The following STIM1 variants were observed in gnomAD, a reference collection of about 807,000 sequenced individuals.
STIM1 encodes stromal interaction molecule 1.
Under a neutral mutation model 74.7 loss-of-function variants are expected in STIM1, and 25 were observed. That is an observed-to-expected ratio of 0.33 (90% CI 0.24 to 0.47). STIM1 has a LOEUF of 0.47. Ranked by LOEUF, STIM1 falls within the 20% of genes least tolerant of loss-of-function variation. STIM1 has a pLI of 1.00. For missense variants in STIM1, 728 were observed against 920.8 expected (o/e 0.79, Z 2.71); for synonymous variants, 328 against 348.8 (o/e 0.94, Z 0.66).
At chr11:4,072,126 C>T (rs184778256) in intron 6 of STIM1, among the ~76,000 whole-genome samples, 187 of 152,270 alleles carry the variant, frequency 1.2e-3, no homozygotes, top group African/African-American at 4.3e-3. Flanking sequence ...GGGGATAAAA[C>T]TAAGCTCCCA....
intron 1 of STIM1, among the ~76,000 whole-genome samples, chr11:3,878,459 C>CTT (rs540135230): frequency 6.9e-6 from 1 of 145,236 alleles, no homozygotes; most frequent in African/African-American, 2.5e-5. Flanking sequence ...TATGAAGTTT[C>CTT]TTTTTTTTTT....
intron 1 of STIM1, among the ~76,000 whole-genome samples, chr11:3,869,923 GA>G (rs1269923670): frequency 6.6e-6 from 1 of 152,154 alleles, no homozygotes; most frequent in Non-Finnish European, 1.5e-5. Flanking sequence ...AGGAAAGAAA[GA>G]AAAGAGTCAA....
chr11:4,014,593 C>T (rs1423334726), intron 2 of STIM1, among the ~76,000 whole-genome samples: 1 of 152,128 alleles, frequency 6.6e-6, no homozygotes, highest in African/African-American at 2.4e-5. Context: ...GAGTTCAAGT[C>T]CTGGATATCC....
intron 1 of STIM1, among the ~76,000 whole-genome samples, chr11:3,877,707 G>A (rs1323613088): frequency 6.6e-6 from 1 of 152,120 alleles, no homozygotes; most frequent in Non-Finnish European, 1.5e-5. Flanking sequence ...GCAGGCCGAG[G>A]GCCTTGTTCT....
chr11:3,892,351 G>T, intron 1 of STIM1: 1 of 1,181,548 alleles, frequency 8.5e-7, no homozygotes, highest in Non-Finnish European at 1.2e-6. Context: ...ACCTACAGAA[G>T]GAATGGTCTG....
chr11:3,910,846 C>T (rs947920879), intron 1 of STIM1, among the ~76,000 whole-genome samples: 4 of 150,626 alleles, frequency 2.7e-5, no homozygotes, highest in Admixed American at 1.3e-4. Flanking sequence ...AATATCCGGG[C>T]GTGGTGGTGC....
intron 1 of STIM1, among the ~76,000 whole-genome samples, chr11:3,956,787 C>G (rs978775456): frequency 8.4e-6 from 1 of 119,294 alleles, no homozygotes; most frequent in African/African-American, 3.2e-5. Context: ...CATGCAATTG[C>G]ACTTCAATCT....
intron 4 of STIM1, 131 bp downstream of exon 4, chr11:4,055,768 C>T (rs1298982528): frequency 1.4e-5 from 9 of 639,980 alleles, no homozygotes; most frequent in Non-Finnish European, 2.5e-5. Context: ...GATCTTGCCT[C>T]TTCTCACATC....
intron 1 of STIM1, among the ~76,000 whole-genome samples, chr11:3,928,784 A>G (rs2092821638): frequency 6.6e-6 from 1 of 152,194 alleles, no homozygotes; most frequent in Non-Finnish European, 1.5e-5. Context: ...AGAAAATTTC[A>G]TACATTCATA....
In STIM1 at chr11:3,945,901, C is replaced by T. The variant is rs1219023333; in HGVS notation, c.140-21651C>T. Among the ~76,000 whole-genome samples, 12 of 152,222 alleles carry T rather than the reference C, an allele frequency of 7.9e-5. No homozygotes were observed. The East Asian group carries it at 1.7e-3, about 22-fold the overall frequency. Reference sequence around the variant, plus strand: ...GTCATGGTGAAAGGCAAAGATGGAGCAGACACTTAACATGGTAAAAGCAAG... The same window carrying T: ...GTCATGGTGAAAGGCAAAGATGGAGTAGACACTTAACATGGTAAAAGCAAG... On this transcript the variant is annotated intron_variant, in intron 1 of 12. Coordinates refer to ENST00000526596, the MANE Select transcript of STIM1 (RefSeq NM_001382567.1).
intron 1 of STIM1, among the ~76,000 whole-genome samples, chr11:3,965,761 T>G (rs2135729136): frequency 6.6e-6 from 1 of 152,236 alleles, no homozygotes; most frequent in Admixed American, 6.5e-5. Flanking sequence ...ATCCCAGCAC[T>G]TCGGGAGGCC....
At chr11:3,972,748 A>G in intron 2 of STIM1, 1 of 453,488 alleles carries the variant, frequency 2.2e-6, no homozygotes, top group Non-Finnish European at 4.4e-6. Context: ...TGTAACCTGT[A>G]GCTTCTTTGT....
intron 2 of STIM1, among the ~76,000 whole-genome samples, chr11:4,001,610 C>T (rs1029215640): frequency 7.2e-5 from 11 of 152,270 alleles, no homozygotes; most frequent in African/African-American, 1.9e-4. Context: ...AAGGCACAAC[C>T]GGTACCAGCC....
intron 2 of STIM1, chr11:3,989,485 G>A: frequency 3.1e-6 from 2 of 655,258 alleles, no homozygotes; most frequent in East Asian, 3.0e-5. Context: ...GAGGGTGCGT[G>A]CGGGATGTCT....
chr11:3,949,558 T>G (rs961163400), intron 1 of STIM1, among the ~76,000 whole-genome samples: 3 of 152,270 alleles, frequency 2.0e-5, no homozygotes, highest in African/African-American at 7.2e-5. Flanking sequence ...TCAGTCATTT[T>G]TCAACCAGTG....
intron 1 of STIM1, among the ~76,000 whole-genome samples, chr11:3,890,481 G>T (rs1159841188): frequency 1.3e-5 from 2 of 152,166 alleles, no homozygotes; most frequent in African/African-American, 2.4e-5. Flanking sequence ...GCTTCTCCTG[G>T]CCAGTCCCTT....
chr11:3,972,436 A>C (rs1018130088), intron 2 of STIM1, among the ~76,000 whole-genome samples: 1 of 152,068 alleles, frequency 6.6e-6, no homozygotes, highest in African/African-American at 2.4e-5. Context: ...TTATAGTTTT[A>C]TCTCTTCTTT....
At chr11:3,928,580 G>A (rs2092818382) in intron 1 of STIM1, among the ~76,000 whole-genome samples, 1 of 151,922 alleles carries the variant, frequency 6.6e-6, no homozygotes, top group African/African-American at 2.4e-5. Flanking sequence ...GGATTTTGTA[G>A]TTTAGCCCGG....
At chr11:3,878,324 A>G (rs895485948) in intron 1 of STIM1, among the ~76,000 whole-genome samples, 4 of 152,200 alleles carry the variant, frequency 2.6e-5, no homozygotes, top group African/African-American at 9.7e-5. Context: ...TTTGTGAGGT[A>G]GCTATAATTA....
Sources: gnomAD v4.1 joint callset for allele counts (sites outside exome capture counted in the v4.1 genomes callset) on GRCh38, gnomAD v4.1.1 for gene constraint, MANE v1.5 for transcripts, NCBI Gene and HGNC (gene_info 2026-07-23, HGNC 2026-07-21) for gene names.